Variants in CACNA1B observed in about 807,000 individuals in gnomAD.
CACNA1B encodes the protein voltage-dependent N-type calcium channel subunit alpha-1B.
In CACNA1B, 70 loss-of-function variants were observed where a neutral mutation model predicts 247.2. That is an observed-to-expected ratio of 0.28 (90% CI 0.23 to 0.35). The LOEUF (loss-of-function observed/expected upper bound fraction) is 0.35, where lower values mean the gene tolerates loss of function less well. Ranked by LOEUF, CACNA1B falls within the 10% of genes least tolerant of loss-of-function variation. The pLI is 1.00. For missense variants in CACNA1B, 2,367 were observed against 3,197.4 expected, an observed-to-expected ratio of 0.74 and a Z score of 6.26; for synonymous variants, 1,231 against 1,294.4, an observed-to-expected ratio of 0.95 and a Z score of 1.05.
rs544179006 is a variant in CACNA1B at position 138,117,960 on chromosome 9, G to C, written c.5792G>C (p.Ser1931Thr). 2 of 1,585,564 alleles carry C rather than the reference G, an allele frequency of 1.3e-6. No individual in the cohort carries two copies. Among genetic ancestry groups the C allele is most frequent in the East Asian group, 2.3e-5 (1 of 43,732 alleles). ...SNGGAIQNQE[S>T]GIKESVSWGT... ...CTCTGCCACAGACAAAACCAAGAGA[G>C]TGGCATCAAAGAGTCTGTCTCCTGG... The change falls in exon 43 of 47, where the codon AGT becomes ACT. Residue 1931 changes from serine to threonine, a missense_variant. By Grantham distance (58) the Ser-to-Thr change is moderately conservative. Around this residue, in one of 12 missense-constraint regions of CACNA1B, gnomAD observed 773 missense variants for 779.4 expected, o/e 0.99. Transcript: ENST00000371372.
At chr9:138,088,135 G>A (rs987315930) in intron 36 of CACNA1B, among the ~76,000 whole-genome samples, 17 of 152,254 alleles carry the variant, frequency 1.1e-4, no homozygotes, top group African/African-American at 3.6e-4. Context: ...TTGGGAGGCC[G>A]TGGCAAGTGG....
In CACNA1B at chr9:138,050,371, G is replaced by C. The variant is rs1434727270; in HGVS notation, c.3710+1056G>C. 4.6e-5 allele frequency among the ~76,000 whole-genome samples: 7 copies of C among 152,220 alleles called. No homozygotes were observed. The highest frequency in any genetic ancestry group is 8.8e-5 in the Non-Finnish European group (6 of 68,040). ...GAGGCTGGGGCCATTGGCCTGGAGG[G>C]CAGCAAGGGCTCCGGGAGGGAACTG... On this transcript the variant is annotated intron_variant, in intron 24 of 46. Transcript: ENST00000371372. This position sits in a 1 kb window ranked among gnomAD's most constrained non-coding sequence, Gnocchi z 5.2.
chr9:137,961,242 G>C (rs1958018232), intron 10 of CACNA1B, among the ~76,000 whole-genome samples: 1 of 152,146 alleles, frequency 6.6e-6, no homozygotes, highest in Non-Finnish European at 1.5e-5. Context: ...TTTGAACATT[G>C]ATTTTGTATC....
At chr9:138,034,107 T>C (rs1959015389) in intron 20 of CACNA1B, among the ~76,000 whole-genome samples, 1 of 152,170 alleles carries the variant, frequency 6.6e-6, no homozygotes, top group African/African-American at 2.4e-5. Context: ...GAGTATCTTG[T>C]TACTGTTCCC....
intron 34 of CACNA1B, among the ~76,000 whole-genome samples, 183 bp from the exon 35 acceptor site, chr9:138,075,636 G>A (rs1016166268): frequency 2.6e-5 from 4 of 152,190 alleles, no homozygotes; most frequent in Admixed American, 6.5e-5. Context: ...GTGTAGCTAC[G>A]GAGAGGGCGT....
chr9:138,118,248 G>A (rs1384493461), intron 43 of CACNA1B, among the ~76,000 whole-genome samples, 167 bp downstream of exon 43: 10 of 61,564 alleles, frequency 1.6e-4, no homozygotes, highest in African/African-American at 7.8e-4. Context: ...TGGGGTGGGG[G>A]ATGTGTGAGA....
chr9:137,939,630 T>C (rs983855282), intron 6 of CACNA1B, among the ~76,000 whole-genome samples: 43 of 151,300 alleles, frequency 2.8e-4, no homozygotes, highest in Non-Finnish European at 5.3e-4. Context: ...AAACCCCGTC[T>C]CTACCAAAAA....
At chr9:138,113,445 T>G (rs1175360839) in intron 40 of CACNA1B, among the ~76,000 whole-genome samples, 1 of 150,680 alleles carries the variant, frequency 6.6e-6, no homozygotes, top group Non-Finnish European at 1.5e-5. Flanking sequence ...CAACTCCATC[T>G]TGTGGGAGAC....
Position 138,023,122 on chromosome 9 carries a change from C to A in CACNA1B, c.2379C>A (p.Pro793=), listed in dbSNP as rs1279967719. ...AGGCGCTGTACAGCGAGATGGACCC[C>A]GAGGAGCGGCTGCGCTTCGCCACTA... is the stretch of plus-strand genomic sequence containing the variant. ...SCEALYSEMD[P]EERLRFATTR... The change falls in exon 19 of 47, where the codon CCC becomes CCA. Residue 793 remains proline, a synonymous_variant. Coordinates refer to ENST00000371372, the MANE Select transcript of CACNA1B (RefSeq NM_000718.4). The A allele has an allele frequency of 1.3e-6, 2 of 1,536,502 alleles. No individual in the cohort carries two copies. Among genetic ancestry groups the A allele is most frequent in the Admixed American group, 1.9e-5 (1 of 51,526 alleles).
In CACNA1B at chr9:137,950,387, C is replaced by A. The variant is rs1221763797; in HGVS notation, c.967-1887C>A. Among the ~76,000 whole-genome samples the A allele has an allele frequency of 6.6e-6, 1 of 152,218 alleles. No individual in the cohort carries two copies. Among genetic ancestry groups the A allele is most frequent in the African/African-American group, 2.4e-5 (1 of 41,462 alleles). On this transcript the variant is annotated intron_variant, in intron 6 of 46. Transcript: ENST00000371372. The surrounding 1 kb of genome is among the most constrained non-coding windows in gnomAD (Gnocchi z 4.8). ...CCCTACTGCCTGTGTAAATGGAAGT[C>A]AAGGTGTCCCGTGTGGTCTTCACTA...
At chr9:138,032,475 T>C (rs1958999013) in intron 20 of CACNA1B, among the ~76,000 whole-genome samples, 2 of 152,190 alleles carry the variant, frequency 1.3e-5, no homozygotes, top group African/African-American at 4.8e-5. Context: ...TGTTATTCTT[T>C]CGTCCTTCCT....
Position 138,011,431 on chromosome 9 carries a change from CCTGT to C in CACNA1B, c.2160+1359_2160+1362del, listed in dbSNP as rs1304360874. 6.6e-6 allele frequency among the ~76,000 whole-genome samples: 1 copy of C among 152,144 alleles called. No homozygotes were observed. The highest frequency in any genetic ancestry group is 1.5e-5 in the Non-Finnish European group (1 of 68,032). Reference sequence around the variant, plus strand: ...CTCTGAGGATCGGGGCCACTGGGGGCCTGTCTGTGTCTGGCTGTGGGCATTTTTC... The same window carrying C: ...CTCTGAGGATCGGGGCCACTGGGGGCCTGTGTCTGGCTGTGGGCATTTTTC... On this transcript the variant is annotated intron_variant, in intron 17 of 46. Coordinates refer to ENST00000371372, the MANE Select transcript of CACNA1B (RefSeq NM_000718.4). This position sits in a 1 kb window ranked among gnomAD's most constrained non-coding sequence, Gnocchi z 4.2.
At chr9:137,910,437 G>C (rs916103120) in intron 3 of CACNA1B, among the ~76,000 whole-genome samples, 3 of 152,130 alleles carry the variant, frequency 2.0e-5, no homozygotes, top group African/African-American at 4.8e-5. Flanking sequence ...ACAGACCAGA[G>C]GTCGGGGGAT....
intron 21 of CACNA1B, among the ~76,000 whole-genome samples, chr9:138,046,653 G>C (rs1959188087): frequency 6.6e-6 from 1 of 152,202 alleles, no homozygotes; most frequent in African/African-American, 2.4e-5. Flanking sequence ...TTGGTTTGTT[G>C]ACCCCTGCCA....
intron 3 of CACNA1B, among the ~76,000 whole-genome samples, chr9:137,883,603 C>T (rs1165096841): frequency 6.6e-6 from 1 of 150,478 alleles, no homozygotes; most frequent in Non-Finnish European, 1.5e-5. Flanking sequence ...GGTCCCCTTT[C>T]CTGCTTCCCT....
At chr9:137,918,663 A>G (rs1368412473) in intron 6 of CACNA1B, among the ~76,000 whole-genome samples, 1 of 152,170 alleles carries the variant, frequency 6.6e-6, no homozygotes, top group Non-Finnish European at 1.5e-5. Flanking sequence ...GATGGTGGAC[A>G]GGTCCTGGGG....
At chr9:138,056,518 G>A (rs972521649) in intron 26 of CACNA1B, among the ~76,000 whole-genome samples, 6 of 152,194 alleles carry the variant, frequency 3.9e-5, no homozygotes, top group African/African-American at 1.4e-4. Context: ...TGTTATAAAT[G>A]ATGCTGTTGT....
At chr9:137,898,189 C>T (rs1957193659) in intron 3 of CACNA1B, among the ~76,000 whole-genome samples, 1 of 152,170 alleles carries the variant, frequency 6.6e-6, no homozygotes, top group Non-Finnish European at 1.5e-5. Context: ...CTTCTGTCAG[C>T]TGAGTTGTTT....
chr9:138,002,544 CAAAAAAA>C (rs554684903), intron 15 of CACNA1B, among the ~76,000 whole-genome samples: 14 of 97,090 alleles, frequency 1.4e-4, no homozygotes, highest in Admixed American at 9.6e-4. Context: ...AGCCCATATC[CAAAAAAA>C]AAAAAAAAAA....
Sources: gnomAD v4.1 joint callset for allele counts (sites outside exome capture counted in the v4.1 genomes callset) on GRCh38, gnomAD v4.1.1 for gene constraint, gnomAD v4.1.1 regional missense constraint, Gnocchi (gnomAD v3.1) non-coding constraint, MANE v1.5 for transcripts, NCBI Gene and HGNC (gene_info 2026-07-23, HGNC 2026-07-21) for gene names.